GLOD4: variants seen among roughly 807,000 people sequenced by gnomAD.
GLOD4 encodes glyoxalase domain-containing protein 4.
In GLOD4, 44 loss-of-function variants were observed where a neutral mutation model predicts 39.1. That is an observed-to-expected ratio of 1.13 (90% CI 0.88 to 1.45). The LOEUF (loss-of-function observed/expected upper bound fraction) is 1.45, where lower values mean the gene tolerates loss of function less well. Ranked by LOEUF, GLOD4 falls within the 40% of genes most tolerant of loss-of-function variation. GLOD4 has a pLI of 0.00. For missense variants in GLOD4, 405 were observed against 366.4 expected, an observed-to-expected ratio of 1.11 and a Z score of -0.86; for synonymous variants, 145 against 135.0, an observed-to-expected ratio of 1.07 and a Z score of -0.52.
chr17:767,097 C>A (rs896023471), intron 8 of GLOD4, among the ~76,000 whole-genome samples: 1 of 152,150 alleles, frequency 6.6e-6, no homozygotes, highest in Non-Finnish European at 1.5e-5. Context: ...GCTCTATAAA[C>A]CATAACAATC....
intron 4 of GLOD4, among the ~76,000 whole-genome samples, chr17:773,937 A>G (rs1908442194): frequency 6.6e-6 from 1 of 152,230 alleles, no homozygotes; most frequent in Non-Finnish European, 1.5e-5. Context: ...GTCTGACCAC[A>G]TTGTCAACCA....
At chr17:767,587 A>G (rs1165658072) in intron 8 of GLOD4, among the ~76,000 whole-genome samples, 1 of 150,952 alleles carries the variant, frequency 6.6e-6, no homozygotes, top group East Asian at 2.0e-4. Context: ...TCAGATTTTT[A>G]GAAGAAGAAA....
chr17:778,241 C>T (rs972424330), intron 2 of GLOD4: 3 of 247,744 alleles, frequency 1.2e-5, no homozygotes, highest in Non-Finnish European at 2.3e-5. Context: ...GGAGCCCTGA[C>T]TTGTAGTTGG....
At position 770,449 on chromosome 17, in the gene GLOD4, C is replaced by A. The variant is rs1395316845; in HGVS notation, c.602G>T (p.Arg201Ile). 1 of 1,589,278 alleles carries A rather than the reference C, an allele frequency of 6.3e-7. No individual in the cohort carries two copies. Among genetic ancestry groups the A allele is most frequent in the Non-Finnish European group, 8.6e-7 (1 of 1,157,270 alleles). ...TTTCTGGGGGCAAGAGAAGGCAATT[C>A]TTCCAAAAGCTGCTGCATGGTCCAC... ...GGVDHAAAFG[R>I]IAFSCPQKEL... is the part of the protein sequence containing the mutation. The change falls in exon 6 of 9, where the codon AGA (arginine) becomes ATA (isoleucine). Residue 201 changes from arginine (R) to isoleucine (I), a missense_variant. By Grantham distance (97) the Arg-to-Ile change is moderately conservative. Coordinates refer to ENST00000301329, the MANE Select transcript of GLOD4 (RefSeq NM_016080.4).
At chr17:777,128 G>C in intron 2 of GLOD4, 140 bp from the exon 3 acceptor site, 2 of 739,134 alleles carry the variant, frequency 2.7e-6, no homozygotes, top group East Asian at 5.3e-5. Flanking sequence ...ACCTCAGATG[G>C]TACAGAAAGC....
Position 772,170 on chromosome 17 carries a change from C to CAG in GLOD4, c.407-711_407-710dup, listed in dbSNP as rs528142637. 1.1e-3 allele frequency among the ~76,000 whole-genome samples: 118 copies of CAG among 108,670 alleles called. 1 individual carries two copies. Among genetic ancestry groups the CAG allele is most frequent in the African/African-American group, 4.2e-3 (115 of 27,318 alleles). 71.3% of individuals were successfully genotyped at this position (108,670 alleles called of 152,430 possible). ...CACTACTGCACTCCAGCCTGGGTGA[C>CAG]AGTGAGACCCTATCTCGAAAAAAAA... is the stretch of plus-strand genomic sequence containing the variant. On this transcript the variant is annotated intron_variant, in intron 4 of 8. Coordinates refer to ENST00000301329, the MANE Select transcript of GLOD4 (RefSeq NM_016080.4).
intron 8 of GLOD4, among the ~76,000 whole-genome samples, chr17:767,248 AC>A (rs1906739404): frequency 6.6e-6 from 1 of 152,246 alleles, no homozygotes; most frequent in Non-Finnish European, 1.5e-5. Context: ...TAATCATTCA[AC>A]AAAGTATTTG....
chr17:772,307 A>G (rs1908122029), intron 4 of GLOD4, among the ~76,000 whole-genome samples: 1 of 152,088 alleles, frequency 6.6e-6, no homozygotes, highest in African/African-American at 2.4e-5. Flanking sequence ...AATAAATGAC[A>G]AAATACATTC....
chr17:776,755 G>T, intron 3 of GLOD4, 113 bp downstream of exon 3: 1 of 804,126 alleles, frequency 1.2e-6, no homozygotes, highest in Non-Finnish European at 2.1e-6. Flanking sequence ...CCTCTTTTGA[G>T]TCTCTGCTCA....
At chr17:771,697 G>A (rs907126433) in intron 4 of GLOD4, among the ~76,000 whole-genome samples, 5 of 152,144 alleles carry the variant, frequency 3.3e-5, no homozygotes, top group South Asian at 4.1e-4. Context: ...CTGAGACCTT[G>A]CCTGTATGAA....
Position 776,887 on chromosome 17 carries a change from T to C in GLOD4, c.242A>G (p.Lys81Arg). ...ATTTACCATAAAGTCATTGCCAAGC[T>C]TGTAGTCTCCGACGCCATAATTGTA... is the stretch of plus-strand genomic sequence containing the variant. The part of the protein sequence containing the change: ...LTYNYGVGDY[K>R]LGNDFMGITL... The change falls in exon 3 of 9, where the codon AAG becomes AGG. Residue 81 changes from lysine to arginine, a missense_variant. Physicochemically the swap from Lys to Arg is conservative, Grantham distance 26. Coordinates refer to ENST00000301329, the MANE Select transcript of GLOD4 (RefSeq NM_016080.4). 6.2e-7 allele frequency: 1 copy of C among 1,613,440 alleles called. No individual in the cohort carries two copies. The highest frequency in any genetic ancestry group is 1.3e-5 in the African/African-American group (1 of 75,030).
At chr17:760,908 G>T (rs1481346061) in intron 8 of GLOD4, among the ~76,000 whole-genome samples, 2 of 152,142 alleles carry the variant, frequency 1.3e-5, no homozygotes, top group African/African-American at 4.8e-5. Context: ...GTAACAGAGT[G>T]GGACCCCGTC....
At chr17:765,392 G>C (rs1472591937) in intron 8 of GLOD4, 3 of 150,984 alleles carry the variant, frequency 2.0e-5, no homozygotes, top group Non-Finnish European at 4.4e-5. Context: ...GAGGTAAGGA[G>C]AGGTCGCAGG....
At chr17:768,901 A>C (rs1230395149) in intron 8 of GLOD4, among the ~76,000 whole-genome samples, 1 of 151,742 alleles carries the variant, frequency 6.6e-6, no homozygotes, top group Non-Finnish European at 1.5e-5. Context: ...AGAGAGAAAC[A>C]GCGCGCACTC....
intron 5 of GLOD4, chr17:771,018 GTGCTCAAACGC>G: frequency 4.4e-6 from 1 of 227,802 alleles, no homozygotes; most frequent in South Asian, 7.8e-5. Context: ...GGACTAAATC[GTGCTCAAACGC>G]TGGGTTATTA....
At chr17:782,681 C>T (rs776218722), upstream of GLOD4, 9 of 1,602,428 alleles carry the variant, frequency 5.6e-6, no homozygotes, top group East Asian at 4.5e-5. Flanking sequence ...ATCCCGGGGA[C>T]AGGAGGCTGA....
At chr17:783,080 C>T (rs748803441), upstream of GLOD4, 19 of 1,603,604 alleles carry the variant, frequency 1.2e-5, no homozygotes, top group East Asian at 4.0e-4. Flanking sequence ...TTTCCATCTA[C>T]AGCAGTGTAA....
chr17:768,495 C>T (rs1418840948), intron 8 of GLOD4, among the ~76,000 whole-genome samples: 11 of 101,640 alleles, frequency 1.1e-4, no homozygotes, highest in South Asian at 1.0e-3. Flanking sequence ...CTGGAGAGGA[C>T]GTGAGAGAGA....
chr17:778,748 G>T lies in GLOD4; in HGVS notation c.91-4C>A. 1 of 1,589,168 alleles carries T rather than the reference G, an allele frequency of 6.3e-7. No homozygotes were observed. Among genetic ancestry groups the T allele is most frequent in the Non-Finnish European group, 8.6e-7 (1 of 1,157,416 alleles). On this transcript the variant is annotated splice_polypyrimidine_tract_variant and splice_region_variant and intron_variant, in intron 1 of 8. Coordinates refer to ENST00000301329, the MANE Select transcript of GLOD4 (RefSeq NM_016080.4). ...CAAATTCCTCATGCCGCAGAACCTG[G>T]TGTGAGATTTAGAATAAATTGTGAA...
Sources: gnomAD v4.1 joint callset for allele counts (sites outside exome capture counted in the v4.1 genomes callset) on GRCh38, gnomAD v4.1.1 for gene constraint, MANE v1.5 for transcripts, NCBI Gene and HGNC (gene_info 2026-07-23, HGNC 2026-07-21) for gene names.